The following GRIP1 variants were observed in gnomAD, a reference collection of about 807,000 sequenced individuals.
GRIP1 encodes the protein glutamate receptor interacting protein 1, also known as glutamate receptor-interacting protein 1.
In GRIP1, 45 loss-of-function variants were observed where a neutral mutation model predicts 129.9. The ratio of observed to expected loss-of-function variants is 0.35; its 90% CI spans 0.27 to 0.44. The LOEUF is 0.44. Ranked by LOEUF, GRIP1 falls within the 20% of genes least tolerant of loss-of-function variation. The pLI, the probability that GRIP1 is intolerant of heterozygous loss-of-function variation, is 1.00. For synonymous variants in GRIP1, 530 were observed against 520.8 expected (o/e 1.02, Z -0.24); for missense variants, 1,196 against 1,396.8 (o/e 0.86, Z 2.29).
chr12:66,444,339 AGCCGGGCGCGGTG>A (rs1254329939), intron 13 of GRIP1, among the ~76,000 whole-genome samples: 2 of 149,290 alleles, frequency 1.3e-5, no homozygotes, highest in Non-Finnish European at 3.0e-5. Context: ...ACAAAAAATT[AGCCGGGCGCGGTG>A]GCGGGCGCCT....
chr12:66,830,688 T>C (rs1205427458), intron 1 of GRIP1, among the ~76,000 whole-genome samples: 1 of 152,112 alleles, frequency 6.6e-6, no homozygotes, highest in African/African-American at 2.4e-5. Flanking sequence ...GAAACCAGTA[T>C]CATTATCATC....
rs773206964 is a variant in GRIP1 at position 66,399,189 on chromosome 12, C to T, written c.1985-4837G>A. ...AGCTGCCATTGTGGGGACAAGCAAA[C>T]CTAGAACTTCCTCCCTCCACCGTGC... On this transcript the variant is annotated intron_variant, in intron 16 of 24. Transcript: ENST00000359742. 5.2e-4 allele frequency among the ~76,000 whole-genome samples: 79 copies of T among 151,926 alleles called. 1 individual carries two copies. The highest frequency in any genetic ancestry group is 1.1e-3 in the Non-Finnish European group (73 of 68,034).
At chr12:66,974,898 A>G (rs2042129723) in intron 1 of GRIP1, among the ~76,000 whole-genome samples, 1 of 152,190 alleles carries the variant, frequency 6.6e-6, no homozygotes, top group Admixed American at 6.5e-5. Context: ...TAAAATTTGT[A>G]AAAATAAAAT....
At chr12:66,712,755 TATAA>T (rs2035750985) in intron 1 of GRIP1, among the ~76,000 whole-genome samples, 1 of 151,986 alleles carries the variant, frequency 6.6e-6, no homozygotes, top group African/African-American at 2.4e-5. Context: ...ATATTTGTCT[TATAA>T]ACTGTTAGGA....
chr12:66,741,794 A>C (rs1216140952), intron 1 of GRIP1, among the ~76,000 whole-genome samples: 2 of 152,196 alleles, frequency 1.3e-5, no homozygotes, highest in African/African-American at 4.8e-5. Flanking sequence ...GCTAGTGGCT[A>C]TGGTATTATC....
chr12:66,348,962 A>C lies in GRIP1; in HGVS notation c.*57T>G. On this transcript the variant is annotated 3_prime_UTR_variant, in exon 25 of 25. Transcript: ENST00000359742. ...TGCTTCAAAGGTCACAGAAATCTTA[A>C]AGGATTTTTAGCACCATGTAGATAT... The C allele has an allele frequency of 1.6e-6, 2 of 1,227,896 alleles. No homozygotes were observed. The highest frequency in any genetic ancestry group is 2.4e-5 in the South Asian group (2 of 83,442). 76.1% of individuals were successfully genotyped at this position (1,227,896 alleles called of 1,614,324 possible). A position where few individuals can be genotyped will look rare whatever the true frequency, so the allele number is the denominator to read the frequency against.
At chr12:66,392,557 C>A in intron 18 of GRIP1, 55 bp from the exon 19 acceptor site, 1 of 1,582,206 alleles carries the variant, frequency 6.3e-7, no homozygotes, top group Non-Finnish European at 8.7e-7. Flanking sequence ...TAAAAATATA[C>A]CAAGATACTC....
intron 1 of GRIP1, among the ~76,000 whole-genome samples, chr12:66,597,513 G>A (rs907052818): frequency 6.6e-6 from 1 of 152,196 alleles, no homozygotes; most frequent in Admixed American, 6.5e-5. Context: ...AAGACCAGAG[G>A]AGCTAGGTTG....
chr12:66,807,245 T>C (rs1017486513), upstream of GRIP1, among the ~76,000 whole-genome samples: 2 of 152,132 alleles, frequency 1.3e-5, no homozygotes, highest in East Asian at 1.9e-4. Flanking sequence ...CTGTAATCCC[T>C]AGCACTGGAG....
At chr12:66,871,870 T>TTTTC (rs1382155934) in intron 1 of GRIP1, among the ~76,000 whole-genome samples, 2 of 152,006 alleles carry the variant, frequency 1.3e-5, no homozygotes, top group East Asian at 3.9e-4. Context: ...TGGTACAGAG[T>TTTTC]TTAACATCTC....
chr12:66,807,507 A>G (rs373410990), upstream of GRIP1, among the ~76,000 whole-genome samples: 68 of 152,226 alleles, frequency 4.5e-4, no homozygotes, highest in African/African-American at 1.5e-3. Context: ...CCCTGTCTCT[A>G]CTGAAAATAC....
chr12:66,975,928 T>C (rs1007062939), intron 1 of GRIP1, among the ~76,000 whole-genome samples: 1 of 152,222 alleles, frequency 6.6e-6, no homozygotes, highest in African/African-American at 2.4e-5. Flanking sequence ...GAGATGGATT[T>C]TGTGATGTTT....
chr12:66,392,152 G>C (rs1199718580), intron 19 of GRIP1, among the ~76,000 whole-genome samples, 156 bp downstream of exon 19: 1 of 152,232 alleles, frequency 6.6e-6, no homozygotes. Flanking sequence ...ATGGCCAGCA[G>C]AGTGTAAGTA....
chr12:66,796,702 C>T (rs527326751), intron 1 of GRIP1, among the ~76,000 whole-genome samples: 12 of 152,246 alleles, frequency 7.9e-5, no homozygotes, highest in African/African-American at 2.6e-4. Context: ...TAGAATGACT[C>T]TTGACACGTG....
chr12:67,056,913 C>A (rs957391180), intron 1 of GRIP1, among the ~76,000 whole-genome samples: 3 of 152,058 alleles, frequency 2.0e-5, no homozygotes, highest in Non-Finnish European at 4.4e-5. Context: ...CGGGTTCAAG[C>A]GATTCTCCTG....
chr12:66,716,279 T>A (rs1018343870), intron 1 of GRIP1, among the ~76,000 whole-genome samples: 3 of 152,058 alleles, frequency 2.0e-5, no homozygotes, highest in Non-Finnish European at 4.4e-5. Context: ...GTAGAATTTT[T>A]AATTAGCAGG....
chr12:66,818,209 C>T (rs2039258155), intron 1 of GRIP1, among the ~76,000 whole-genome samples: 1 of 152,138 alleles, frequency 6.6e-6, no homozygotes, highest in South Asian at 2.1e-4. Flanking sequence ...TGCAGGTCTT[C>T]CAAATGTTAA....
chr12:66,887,318 T>C (rs1429745693), intron 1 of GRIP1, among the ~76,000 whole-genome samples: 2 of 152,250 alleles, frequency 1.3e-5, no homozygotes, highest in African/African-American at 2.4e-5. Flanking sequence ...TGCCTAATTA[T>C]AATATTTACA....
At chr12:66,624,028 T>C (rs2065382471) in intron 1 of GRIP1, among the ~76,000 whole-genome samples, 1 of 152,206 alleles carries the variant, frequency 6.6e-6, no homozygotes, top group South Asian at 2.1e-4. Flanking sequence ...CATTTGTTCA[T>C]ATATTTATTC....
Sources: allele counts gnomAD v4.1 joint callset (sites outside exome capture counted in the v4.1 genomes callset), GRCh38; gene constraint gnomAD v4.1.1; transcripts MANE v1.5; gene names NCBI Gene and HGNC (gene_info 2026-07-23, HGNC 2026-07-21).